Variants in TTC6 observed in about 807,000 individuals in gnomAD.
TTC6 encodes tetratricopeptide repeat domain 6, also known as tetratricopeptide repeat protein 6.
Under a neutral mutation model 210.4 loss-of-function variants are expected in TTC6, and 172 were observed. The ratio of observed to expected loss-of-function variants is 0.82; its 90% CI spans 0.72 to 0.93. TTC6 has a LOEUF of 0.93. Ranked by LOEUF, TTC6 falls within the 40% of genes least tolerant of loss-of-function variation. TTC6 has a pLI of 0.00. For missense variants in TTC6, 2,414 were observed against 2,318.1 expected (o/e 1.04, Z -0.85); for synonymous variants, 804 against 819.6 (o/e 0.98, Z 0.32).
intron 24 of TTC6, among the ~76,000 whole-genome samples, chr14:37,809,296 A>C (rs1382641313): frequency 7.8e-6 from 1 of 128,060 alleles, no homozygotes; most frequent in East Asian, 2.3e-4. Flanking sequence ...TCTGTTGCCC[A>C]GGCTGGAGCG....
intron 14 of TTC6, chr14:37,772,507 T>G (rs2096022826): frequency 6.5e-6 from 1 of 152,674 alleles, no homozygotes; most frequent in Non-Finnish European, 1.5e-5. Context: ...AACCTCGTAG[T>G]GTGCCGTTTT....
exon 15 of TTC6, chr14:37,787,566 C>T (rs1468546893): frequency 9.8e-6 from 15 of 1,529,654 alleles, no homozygotes; most frequent in East Asian, 4.9e-5. Flanking sequence ...AACTGGTTAG[C>T]GTTGTATTAT....
chr14:37,701,375 A>G (rs1198628367), exon 5 of TTC6: 2 of 1,520,560 alleles, frequency 1.3e-6, no homozygotes, highest in African/African-American at 1.4e-5. Flanking sequence ...TGATCTGTGC[A>G]CCACCATCCC....
Position 37,795,179 on chromosome 14 carries a change from A to G in TTC6, c.3709-91A>G, listed in dbSNP as rs527392442. On this transcript the variant is annotated intron_variant, in intron 17 of 30. Coordinates refer to ENST00000553443, the Ensembl canonical transcript of TTC6. ...ATGTATGTTAGGAGATGTCCCTGCA[A>G]AATTTCTGTAGAAAGGGTGGGAGAG... is the stretch of plus-strand genomic sequence containing the variant. The G allele has an allele frequency of 7.3e-6, 6 of 820,848 alleles. No homozygotes were observed. The African/African-American group carries it at 8.8e-5, about 12-fold the overall frequency. 50.8% of individuals were successfully genotyped at this position (820,848 alleles called of 1,614,324 possible). A position where few individuals can be genotyped will look rare whatever the true frequency, so the allele number is the denominator to read the frequency against.
chr14:37,639,612 T>A (rs1314391821), intron 1 of TTC6, among the ~76,000 whole-genome samples: 2 of 151,474 alleles, frequency 1.3e-5, no homozygotes, highest in Non-Finnish European at 2.9e-5. Flanking sequence ...GGCTCATGCC[T>A]GTAATCCCAG....
intron 1 of TTC6, among the ~76,000 whole-genome samples, chr14:37,658,115 A>AT (rs1358710132): frequency 1.3e-5 from 2 of 152,194 alleles, no homozygotes; most frequent in Non-Finnish European, 2.9e-5. Flanking sequence ...ATTTCCACAA[A>AT]TTTTTAATTG....
chr14:37,792,967 A>G (rs2096083880), intron 17 of TTC6, among the ~76,000 whole-genome samples: 1 of 152,200 alleles, frequency 6.6e-6, no homozygotes, highest in South Asian at 2.1e-4. Flanking sequence ...AAATTAAAAC[A>G]GCACAATAAA....
intron 14 of TTC6, among the ~76,000 whole-genome samples, chr14:37,759,923 G>T (rs2095978972): frequency 6.6e-6 from 1 of 152,096 alleles, no homozygotes; most frequent in Non-Finnish European, 1.5e-5. Context: ...AAGGTGTTTA[G>T]CTTCCTTGCA....
At chr14:37,622,818 G>A in exon 1 of TTC6, 1 of 1,534,074 alleles carries the variant, frequency 6.5e-7, no homozygotes, top group South Asian at 1.2e-5. Flanking sequence ...GGGAGAACAG[G>A]AGAGCTGGCC....
intron 1 of TTC6, among the ~76,000 whole-genome samples, chr14:37,658,109 C>T (rs751241226): frequency 6.6e-6 from 1 of 151,898 alleles, no homozygotes; most frequent in Non-Finnish European, 1.5e-5. Flanking sequence ...AAAATAATTT[C>T]CACAAATTTT....
intron 15 of TTC6, among the ~76,000 whole-genome samples, chr14:37,788,351 G>A (rs553860980): frequency 6.6e-6 from 1 of 152,140 alleles, no homozygotes; most frequent in African/African-American, 2.4e-5. Flanking sequence ...GTTCACCTGG[G>A]TGCAAAGTTC....
intron 15 of TTC6, 125 bp from the exon 18 acceptor site, chr14:37,790,592 T>C (rs1050947216): frequency 2.3e-5 from 17 of 752,282 alleles, no homozygotes; most frequent in Admixed American, 1.1e-4. Flanking sequence ...TCATCATAGA[T>C]ATGTTTCTAT....
At chr14:37,748,144 G>A (rs2095941480) in intron 10 of TTC6, among the ~76,000 whole-genome samples, 1 of 152,210 alleles carries the variant, frequency 6.6e-6, no homozygotes, top group African/African-American at 2.4e-5. Context: ...GCTCTAAGAA[G>A]AATAGATGAT....
intron 1 of TTC6, among the ~76,000 whole-genome samples, chr14:37,657,352 A>T (rs866249823): frequency 1.0e-4 from 9 of 88,430 alleles, no homozygotes; most frequent in African/African-American, 3.1e-4. Flanking sequence ...TTCTATTTAA[A>T]AAAAAAAAAA....
intron 5 of TTC6, among the ~76,000 whole-genome samples, chr14:37,714,242 A>C (rs2095848960): frequency 6.6e-6 from 1 of 152,180 alleles, no homozygotes; most frequent in South Asian, 2.1e-4. Context: ...AGAAGGGAGA[A>C]CCATAATGTG....
chr14:37,751,301 T>C, intron 13 of TTC6, 76 bp downstream of exon 15: 1 of 1,072,834 alleles, frequency 9.3e-7, no homozygotes, highest in Non-Finnish European at 1.2e-6. Context: ...GTACAGCAAG[T>C]TTTTGAAGGT....
chr14:37,609,924 T>C (rs1359078476), intron 2 of TTC6, among the ~76,000 whole-genome samples: 5 of 152,210 alleles, frequency 3.3e-5, no homozygotes, highest in African/African-American at 9.6e-5. Context: ...TGAGATGTGA[T>C]GTAAATGCAG....
chr14:37,618,142 G>A (rs114444885), upstream of TTC6, among the ~76,000 whole-genome samples: 971 of 152,234 alleles, frequency 6.4e-3, 8 homozygotes, highest in African/African-American at 0.022. Context: ...TGGATTTTCC[G>A]TTCCAACAGG....
intron 1 of TTC6, among the ~76,000 whole-genome samples, chr14:37,650,884 C>T (rs2095709990): frequency 6.6e-6 from 1 of 152,198 alleles, no homozygotes. Flanking sequence ...ACAATGCAAA[C>T]TATAACGCTG....
Sources: gnomAD v4.1 joint callset for allele counts (sites outside exome capture counted in the v4.1 genomes callset) on GRCh38, gnomAD v4.1.1 for gene constraint, MANE v1.5 for transcripts, NCBI Gene and HGNC (gene_info 2026-07-23, HGNC 2026-07-21) for gene names.